Variants in PGM5 observed in about 807,000 individuals in gnomAD.
PGM5 encodes the protein phosphoglucomutase 5.
Under a neutral mutation model 59.2 loss-of-function variants are expected in PGM5, and 23 were observed. The ratio of observed to expected loss-of-function variants is 0.39; its 90% CI spans 0.28 to 0.55. The LOEUF (loss-of-function observed/expected upper bound fraction) is 0.55. PGM5 is among the 20% of genes least tolerant of loss of function. The pLI, the probability that PGM5 is intolerant of heterozygous loss-of-function variation, is 0.66. For synonymous variants in PGM5, 214 were observed against 286.0 expected (o/e 0.75, Z 2.54); for missense variants, 574 against 748.3 (o/e 0.77, Z 2.72).
chr9:68,444,687 G>A (rs1369529203), intron 6 of PGM5, among the ~76,000 whole-genome samples: 1 of 152,172 alleles, frequency 6.6e-6, no homozygotes, highest in Non-Finnish European at 1.5e-5. Flanking sequence ...CTGGGGAGGG[G>A]AAAAGTTCTA....
rs141057280 is a variant in PGM5, at chr9:68,475,968, C to T, written c.1160-3450C>T. The stretch of plus-strand genomic sequence containing the variant: ...CCTGGGAGGTCGCGGCTGCAGTGAG[C>T]CATGATTGAACCCCTGTACTCCAGC... On this transcript the variant is annotated intron_variant, in intron 7 of 10. Coordinates refer to ENST00000396396, the MANE Select transcript of PGM5 (RefSeq NM_021965.4). Among the ~76,000 whole-genome samples the T allele has an allele frequency of 3.9e-4, 59 of 152,286 alleles. No individual in the cohort carries two copies. In the East Asian group the frequency reaches 0.01, roughly 26 times the overall value.
chr9:68,482,681 C>T (rs1554687207), intron 8 of PGM5, among the ~76,000 whole-genome samples: 2 of 152,196 alleles, frequency 1.3e-5, no homozygotes, highest in South Asian at 2.1e-4. Flanking sequence ...GGTGCAGCTG[C>T]CCCTCCTATG....
At chr9:68,390,138 T>C (rs1169221749) in intron 4 of PGM5, among the ~76,000 whole-genome samples, 3 of 152,140 alleles carry the variant, frequency 2.0e-5, no homozygotes, top group African/African-American at 7.2e-5. Flanking sequence ...CTGGGAGCTC[T>C]GAGCCTGCTA....
intron 9 of PGM5, among the ~76,000 whole-genome samples, chr9:68,495,838 G>C (rs1284652309): frequency 3.3e-5 from 5 of 152,134 alleles, no homozygotes; most frequent in South Asian, 2.1e-4. Flanking sequence ...ATGCTGTAGG[G>C]ATAAAAGGCA....
intron 7 of PGM5, among the ~76,000 whole-genome samples, chr9:68,476,395 C>G (rs1449741467): frequency 2.6e-5 from 4 of 152,086 alleles, no homozygotes; most frequent in Admixed American, 2.6e-4. Flanking sequence ...CCTATTATCC[C>G]TGTCATATAT....
intron 9 of PGM5, chr9:68,498,236 A>G (rs1275003037): frequency 6.6e-6 from 1 of 152,198 alleles, no homozygotes; most frequent in Non-Finnish European, 1.5e-5. Context: ...AGATCTTTAC[A>G]CTAAAGGTGT....
intron 3 of PGM5, among the ~76,000 whole-genome samples, chr9:68,386,653 A>C (rs1205447236): frequency 1.6e-4 from 24 of 152,090 alleles, no homozygotes; most frequent in Non-Finnish European, 3.2e-4. Context: ...TTAGCTATGA[A>C]TTTAAAAAAG....
At chr9:68,375,504 C>G (rs1318327368) in intron 1 of PGM5, among the ~76,000 whole-genome samples, 1 of 152,242 alleles carries the variant, frequency 6.6e-6, no homozygotes, top group Non-Finnish European at 1.5e-5. Flanking sequence ...TCTGATATTC[C>G]TCTTTCTGCT....
intron 1 of PGM5, among the ~76,000 whole-genome samples, chr9:68,372,412 C>T (rs1309027249): frequency 3.3e-5 from 5 of 152,010 alleles, no homozygotes; most frequent in African/African-American, 1.2e-4. Context: ...AGTGCTGCAT[C>T]TTCCGTGATG....
At chr9:68,496,821 G>A (rs1012212968) in intron 9 of PGM5, 37 of 152,198 alleles carry the variant, frequency 2.4e-4, no homozygotes, top group Admixed American at 1.9e-3. Context: ...TTTAATGGGA[G>A]GTACTTCAAA....
At chr9:68,415,255 C>A (rs1281593873) in intron 6 of PGM5, among the ~76,000 whole-genome samples, 1 of 149,380 alleles carries the variant, frequency 6.7e-6, no homozygotes, top group East Asian at 1.9e-4. Flanking sequence ...ACCTAGAGAA[C>A]TGGGCAGAGC....
Position 68,366,716 on chromosome 9 carries a change from G to C in PGM5, c.261+9328G>C, listed in dbSNP as rs146210712. The stretch of plus-strand genomic sequence containing the variant: ...TTGCAACTTATATGACCATGGGGAA[G>C]TCGCCTAGCCTCCTAGGGTTTATTT... On this transcript the variant is annotated intron_variant, in intron 1 of 10. Coordinates refer to ENST00000396396, the MANE Select transcript of PGM5 (RefSeq NM_021965.4). Among the ~76,000 whole-genome samples the C allele has an allele frequency of 9.4e-3, 1,434 of 152,228 alleles. 14 individuals are homozygous for C. Among genetic ancestry groups the C allele is most frequent in the African/African-American group, 0.033 (1,382 of 41,524 alleles).
chr9:68,457,786 A>G (rs1227755444), intron 6 of PGM5, among the ~76,000 whole-genome samples: 1 of 152,130 alleles, frequency 6.6e-6, no homozygotes, highest in Non-Finnish European at 1.5e-5. Flanking sequence ...TAAATCTTCC[A>G]AGAGTATTAT....
intron 6 of PGM5, among the ~76,000 whole-genome samples, chr9:68,448,514 G>A (rs1444687137): frequency 1.3e-5 from 2 of 152,120 alleles, no homozygotes; most frequent in African/African-American, 4.8e-5. Context: ...TTAGCTCAGG[G>A]GTTCTCAAAC....
chr9:68,380,869 C>A (rs1392321018), intron 2 of PGM5, among the ~76,000 whole-genome samples: 1 of 151,836 alleles, frequency 6.6e-6, no homozygotes, highest in African/African-American at 2.4e-5. Context: ...ACTAACCCAA[C>A]AAGATTGAAT....
chr9:68,452,542 C>T (rs1487855663), intron 6 of PGM5, among the ~76,000 whole-genome samples: 1 of 152,208 alleles, frequency 6.6e-6, no homozygotes, highest in Non-Finnish European at 1.5e-5. Context: ...GGATCGGTCT[C>T]AGTGCAGGTA....
At chr9:68,500,992 A>G (rs1310173734) in intron 10 of PGM5, among the ~76,000 whole-genome samples, 1 of 152,100 alleles carries the variant, frequency 6.6e-6, no homozygotes, top group Non-Finnish European at 1.5e-5. Flanking sequence ...CTTCCTTTGA[A>G]GCTGAAAGTC....
chr9:68,433,646 T>C (rs1423912391), intron 6 of PGM5, among the ~76,000 whole-genome samples: 2 of 152,194 alleles, frequency 1.3e-5, no homozygotes, highest in Non-Finnish European at 2.9e-5. Flanking sequence ...TCTTAAATGT[T>C]CCCCAGTACT....
chr9:68,495,107 TA>T (rs1824462339), intron 9 of PGM5, among the ~76,000 whole-genome samples: 2 of 152,244 alleles, frequency 1.3e-5, no homozygotes, highest in African/African-American at 2.4e-5. Flanking sequence ...GCTTGTTAGC[TA>T]ATGAAGAACC....
Sources: allele counts gnomAD v4.1 joint callset (sites outside exome capture counted in the v4.1 genomes callset), GRCh38; gene constraint gnomAD v4.1.1; transcripts MANE v1.5; gene names NCBI Gene and HGNC (gene_info 2026-07-23, HGNC 2026-07-21).